MTUS2: variants seen among roughly 807,000 people sequenced by gnomAD.
MTUS2 encodes the protein microtubule associated scaffold protein 2, also known as microtubule-associated tumor suppressor candidate 2.
MTUS2 carries 40 observed loss-of-function variants against 114.1 expected under a neutral mutation model. That is an observed-to-expected ratio of 0.35 (90% confidence interval 0.27 to 0.46). The LOEUF (loss-of-function observed/expected upper bound fraction) is 0.46, where lower values mean the gene tolerates loss of function less well. MTUS2 is among the 20% of genes least tolerant of loss of function. The pLI is 1.00. For missense variants in MTUS2, 1,679 were observed against 1,705.4 expected, an observed-to-expected ratio of 0.98 and a Z score of 0.27; for synonymous variants, 688 against 672.0, an observed-to-expected ratio of 1.02 and a Z score of -0.37.
intron 7 of MTUS2, among the ~76,000 whole-genome samples, chr13:29,335,462 G>C (rs149917141): frequency 0.075 from 11,474 of 152,112 alleles, 1,373 homozygotes; most frequent in African/African-American, 0.25. Flanking sequence ...TTGCCTTGTG[G>C]TATTTTATTA....
chr13:28,911,200 G>A (rs1880409111), intron 2 of MTUS2, among the ~76,000 whole-genome samples: 1 of 115,652 alleles, frequency 8.6e-6, no homozygotes, highest in Non-Finnish European at 1.7e-5. Flanking sequence ...TTTTTCAGAT[G>A]GAGTCCTGCT....
chr13:29,283,063 A>G (rs1898339138), intron 6 of MTUS2, among the ~76,000 whole-genome samples: 1 of 152,194 alleles, frequency 6.6e-6, no homozygotes, highest in Non-Finnish European at 1.5e-5. Flanking sequence ...TGTTTGATGC[A>G]TTAATAGATA....
intron 2 of MTUS2, among the ~76,000 whole-genome samples, chr13:29,010,414 A>G (rs1266230238): frequency 6.6e-6 from 1 of 151,998 alleles, no homozygotes; most frequent in Non-Finnish European, 1.5e-5. Context: ...GAGTCTTGGG[A>G]TAATTTGTCC....
chr13:29,412,959 C>G (rs1875374865), intron 8 of MTUS2, among the ~76,000 whole-genome samples: 2 of 152,142 alleles, frequency 1.3e-5, no homozygotes, highest in African/African-American at 4.8e-5. Flanking sequence ...TGGCCCAGTT[C>G]CATCTTAAAA....
At chr13:29,011,225 C>T (rs899195860) in intron 2 of MTUS2, among the ~76,000 whole-genome samples, 2 of 152,052 alleles carry the variant, frequency 1.3e-5, no homozygotes, top group African/African-American at 4.8e-5. Flanking sequence ...AAAACATGCC[C>T]ATGAAAATTC....
At chr13:28,868,497 C>T (rs1002320998) in intron 2 of MTUS2, among the ~76,000 whole-genome samples, 3 of 152,118 alleles carry the variant, frequency 2.0e-5, no homozygotes, top group Non-Finnish European at 4.4e-5. Flanking sequence ...TTATGGTGCT[C>T]CTCTCGACGG....
intron 9 of MTUS2, among the ~76,000 whole-genome samples, chr13:29,458,777 C>T (rs953150522): frequency 1.3e-5 from 2 of 152,242 alleles, no homozygotes; most frequent in Non-Finnish European, 2.9e-5. Flanking sequence ...GCTTCTCCTC[C>T]TATATGCCTA....
In MTUS2 at chr13:29,079,543, T is replaced by G. The variant is rs568146148; in HGVS notation, c.2447-21230T>G. Among the ~76,000 whole-genome samples the G allele has an allele frequency of 3.3e-5, 5 of 152,344 alleles. No individual in the cohort carries two copies. The East Asian group carries it at 9.6e-4, about 29-fold the overall frequency. On this transcript the variant is annotated intron_variant, in intron 4 of 15. Coordinates refer to ENST00000612955, the MANE Select transcript of MTUS2 (RefSeq NM_001033602.4). Reference sequence around the variant, plus strand: ...TTTTCCCCAAGAGTTTTGTAGTTTTTTCACACACCTTGAAGCTTTTAATTC... The same window carrying G: ...TTTTCCCCAAGAGTTTTGTAGTTTTGTCACACACCTTGAAGCTTTTAATTC...
At chr13:28,979,915 T>C (rs1411398256) in intron 2 of MTUS2, among the ~76,000 whole-genome samples, 1 of 152,198 alleles carries the variant, frequency 6.6e-6, no homozygotes, top group Non-Finnish European at 1.5e-5. Context: ...ATTCAAGTTA[T>C]CAAGAACCAG....
At chr13:29,043,612 G>A (rs1293659972) in intron 4 of MTUS2, among the ~76,000 whole-genome samples, 1 of 151,176 alleles carries the variant, frequency 6.6e-6, no homozygotes, top group Non-Finnish European at 1.5e-5. Flanking sequence ...TTATAAATTT[G>A]GGAGCTCCAG....
chr13:29,451,544 T>C (rs1878680773), intron 9 of MTUS2, among the ~76,000 whole-genome samples: 1 of 152,116 alleles, frequency 6.6e-6, no homozygotes, highest in South Asian at 2.1e-4. Flanking sequence ...AGGAGTATTA[T>C]TTGAAAGAAG....
At chr13:28,831,684 T>C (rs1874690705) in intron 1 of MTUS2, among the ~76,000 whole-genome samples, 1 of 152,130 alleles carries the variant, frequency 6.6e-6, no homozygotes, top group African/African-American at 2.4e-5. Context: ...AATTCAACAA[T>C]AGTATTTGGA....
At chr13:29,024,318 C>A (rs575647229) in intron 2 of MTUS2, 139 bp from the exon 3 acceptor site, 1 of 213,772 alleles carries the variant, frequency 4.7e-6, no homozygotes, top group African/African-American at 2.3e-5. Flanking sequence ...GAGCCCTGAT[C>A]AGAAAGGTTT....
intron 4 of MTUS2, among the ~76,000 whole-genome samples, chr13:29,071,014 T>A (rs1264338068): frequency 1.3e-5 from 2 of 152,084 alleles, no homozygotes; most frequent in African/African-American, 4.8e-5. Context: ...TTTATTGATT[T>A]ATTTTTTTGA....
chr13:29,102,662 AT>A lies in MTUS2; in HGVS notation c.2644+1694del, dbSNP rs557584651. ...AAACATATGTTAGAATTGATTTTTAATTATCTGCTACCTACTATATATGTAA... is the reference window on the plus strand; with the variant it reads ...AAACATATGTTAGAATTGATTTTTAATATCTGCTACCTACTATATATGTAA... On this transcript the variant is annotated intron_variant, in intron 5 of 15. Transcript: ENST00000612955. 2.6e-3 allele frequency among the ~76,000 whole-genome samples: 396 copies of A among 152,334 alleles called. 2 individuals carry two copies. The highest frequency in any genetic ancestry group is 4.3e-3 in the Admixed American group (66 of 15,300).
Position 29,026,434 on chromosome 13 carries a change from G to T in MTUS2, c.1736G>T (p.Arg579Leu), listed in dbSNP as rs541680231. 8.1e-6 allele frequency: 13 copies of T among 1,613,922 alleles called. No individual in the cohort carries two copies. Among genetic ancestry groups the T allele is most frequent in the Admixed American group, 1.7e-5 (1 of 60,020 alleles). ...GTTCCACCCCCTACTGATAGTGCAC[G>T]CTTGTTGAACACGTCCCCCAAAGTG... The part of the protein sequence containing the change: ...LVVPPPTDSA[R>L]LLNTSPKVPD... The change falls in exon 3 of 16, where the codon CGC (arginine) becomes CTC (leucine). Residue 579 changes from arginine to leucine, a missense_variant. This residue lies in a region of MTUS2 where 843 missense variants were observed against 770.8 expected (regional missense o/e 1.09). Transcript: ENST00000612955.
At chr13:29,125,588 T>C (rs113427818) in intron 5 of MTUS2, among the ~76,000 whole-genome samples, 2,978 of 152,336 alleles carry the variant, frequency 0.02, 105 homozygotes, top group African/African-American at 0.068. Context: ...CAGCCACTCC[T>C]GTGTTTTGTT....
chr13:29,121,406 C>T (rs9508283), intron 5 of MTUS2, among the ~76,000 whole-genome samples: 25,043 of 151,244 alleles, frequency 0.17, 2,384 homozygotes, highest in Middle Eastern at 0.24. Flanking sequence ...TCCTTATTTC[C>T]CTATATCAAA....
At chr13:29,135,988 G>C (rs182967808) in intron 5 of MTUS2, among the ~76,000 whole-genome samples, 4 of 152,122 alleles carry the variant, frequency 2.6e-5, no homozygotes, top group African/African-American at 9.7e-5. Flanking sequence ...ACTAATAATT[G>C]CTTTTAAAAA....
Sources: allele counts gnomAD v4.1 joint callset (sites outside exome capture counted in the v4.1 genomes callset), GRCh38; gene constraint gnomAD v4.1.1; regional missense constraint gnomAD v4.1.1; transcripts MANE v1.5; gene names NCBI Gene and HGNC (gene_info 2026-07-23, HGNC 2026-07-21).